Variants in COL5A2 observed in about 807,000 individuals in gnomAD.
The protein encoded by COL5A2 is collagen type V alpha 2 chain, also known as collagen alpha-2(V) chain.
A neutral mutation model predicts 208.2 loss-of-function variants in COL5A2; 23 were observed. That is an observed-to-expected ratio of 0.11 (90% confidence interval 0.08 to 0.16). The LOEUF (loss-of-function observed/expected upper bound fraction) is 0.16. Among genes scored for constraint, COL5A2 ranks in the 10% least tolerant of loss-of-function variants. The pLI is 1.00. For missense variants in COL5A2, 1,590 were observed against 1,956.4 expected (o/e 0.81, Z 3.53); for synonymous variants, 625 against 628.5 (o/e 0.99, Z 0.08).
the COL5A2 span, among the ~76,000 whole-genome samples, chr2:189,246,796 G>A: frequency 6.6e-6 from 1 of 152,178 alleles, no homozygotes; most frequent in African/African-American, 2.4e-5. Flanking sequence ...GCCAGATACA[G>A]CAAAACATCT....
At chr2:189,080,089 A>G in intron 13 of COL5A2, 58 bp from the exon 14 acceptor site, 1 of 1,331,038 alleles carries the variant, frequency 7.5e-7, no homozygotes, top group Non-Finnish European at 1.1e-6. Flanking sequence ...CCTCAAAGGC[A>G]TAAGAACCAA....
chr2:189,126,122 A>T (rs1017783704), intron 1 of COL5A2, among the ~76,000 whole-genome samples: 8 of 152,236 alleles, frequency 5.3e-5, no homozygotes, highest in African/African-American at 1.9e-4. Context: ...CACAGGAACT[A>T]TGTTATACTT....
intron 1 of COL5A2, among the ~76,000 whole-genome samples, chr2:189,115,699 G>A (rs1687375639): frequency 6.6e-6 from 1 of 152,152 alleles, no homozygotes; most frequent in Non-Finnish European, 1.5e-5. Context: ...CTCCTCGACA[G>A]CCAGAACTGT....
chr2:189,264,423 C>T, the COL5A2 span, among the ~76,000 whole-genome samples: 1 of 151,844 alleles, frequency 6.6e-6, no homozygotes, highest in African/African-American at 2.4e-5. Context: ...ATCTTAAAAA[C>T]GTGTTTATAG....
chr2:189,068,682 G>T, intron 19 of COL5A2, 104 bp downstream of exon 19: 1 of 813,360 alleles, frequency 1.2e-6, no homozygotes, highest in Non-Finnish European at 2.1e-6. Flanking sequence ...CCCTAAATAT[G>T]TACAAATATT....
chr2:189,301,523 C>T, the COL5A2 span, among the ~76,000 whole-genome samples: 5 of 152,232 alleles, frequency 3.3e-5, no homozygotes, highest in East Asian at 1.9e-4. Context: ...CAGTGAATTA[C>T]ACCAAATTTA....
chr2:189,104,196 A>C (rs1466124318), intron 3 of COL5A2, 68 bp downstream of exon 3: 8 of 1,122,332 alleles, frequency 7.1e-6, no homozygotes, highest in Middle Eastern at 2.0e-4. Context: ...TTCAGAGCAC[A>C]GTTCTGTGTG....
At position 189,053,914 on chromosome 2, in the gene COL5A2, G is replaced by C; in HGVS notation, c.2480C>G (p.Pro827Arg). The C allele has an allele frequency of 6.2e-7, 1 of 1,614,014 alleles. No individual in the cohort carries two copies. The highest frequency in any genetic ancestry group is 8.5e-7 in the Non-Finnish European group (1 of 1,179,954). The change falls in exon 37 of 54, where the codon CCT (proline) becomes CGT (arginine). Residue 827 changes from proline to arginine, a missense_variant. By Grantham distance (103) the Pro-to-Arg change is moderately radical. Transcript: ENST00000374866. ...ACTTACAGGATTGCCCCGGGAGCCA[G>C]GAGGGCCAACTAAACCTCGAGGACC... Reference protein sequence around the residue: ...EPGPRGLVGPPGSRGNPGSRG... With the variant: ...EPGPRGLVGPRGSRGNPGSRG...
chr2:189,223,650 C>T (rs1011322698), intron 1 of COL5A2, among the ~76,000 whole-genome samples: 2 of 152,130 alleles, frequency 1.3e-5, no homozygotes, highest in South Asian at 2.1e-4. Context: ...TCTATAATTA[C>T]ACACAATTAT....
At chr2:189,380,356 A>G in the COL5A2 span, among the ~76,000 whole-genome samples, 1 of 151,968 alleles carries the variant, frequency 6.6e-6, no homozygotes, top group Non-Finnish European at 1.5e-5. Context: ...GTTTTAAGCT[A>G]AAATATTTTA....
chr2:189,269,170 T>C, the COL5A2 span, among the ~76,000 whole-genome samples: 1 of 152,148 alleles, frequency 6.6e-6, no homozygotes. Context: ...TTCCCTTGTA[T>C]GGAAAAAAAT....
intron 1 of COL5A2, among the ~76,000 whole-genome samples, chr2:189,189,696 A>ATT (rs1688899862): frequency 6.6e-6 from 1 of 151,814 alleles, no homozygotes; most frequent in Non-Finnish European, 1.5e-5. Context: ...ATATATATAT[A>ATT]TTTCATTTGA....
At chr2:189,361,353 T>C in the COL5A2 span, among the ~76,000 whole-genome samples, 1 of 152,180 alleles carries the variant, frequency 6.6e-6, no homozygotes, top group East Asian at 1.9e-4. Flanking sequence ...CCTTCATTAT[T>C]ATATAATGGC....
At chr2:189,401,115 C>T in the COL5A2 span, among the ~76,000 whole-genome samples, 1 of 152,028 alleles carries the variant, frequency 6.6e-6, no homozygotes, top group African/African-American at 2.4e-5. Flanking sequence ...CATAGATAAA[C>T]GTGTGCCATG....
chr2:189,326,680 G>C, the COL5A2 span, among the ~76,000 whole-genome samples: 3 of 152,014 alleles, frequency 2.0e-5, no homozygotes, highest in East Asian at 5.8e-4. Context: ...GACAGAGGAA[G>C]CTCCTGTCTC....
chr2:189,231,752 A>C, the COL5A2 span, among the ~76,000 whole-genome samples: 1 of 151,490 alleles, frequency 6.6e-6, no homozygotes, highest in African/African-American at 2.4e-5. Flanking sequence ...CTTATAACTA[A>C]AGAAGAATAA....
the COL5A2 span, among the ~76,000 whole-genome samples, chr2:189,333,247 A>T: frequency 2.0e-5 from 3 of 152,310 alleles, no homozygotes; most frequent in South Asian, 6.2e-4. Context: ...CACTAACAAT[A>T]GATAAATCAA....
At chr2:189,048,125 G>T (rs1181151171) in intron 45 of COL5A2, 84 bp downstream of exon 45, 1 of 1,287,296 alleles carries the variant, frequency 7.8e-7, no homozygotes, top group African/African-American at 1.5e-5. Context: ...GAACTATCAG[G>T]AAAAATGACA....
the COL5A2 span, among the ~76,000 whole-genome samples, chr2:189,323,295 A>G: frequency 6.6e-6 from 1 of 152,154 alleles, no homozygotes; most frequent in African/African-American, 2.4e-5. Context: ...ACTCCTATTC[A>G]ACATAGTGTT....
Sources: gnomAD v4.1 joint callset for allele counts (sites outside exome capture counted in the v4.1 genomes callset) on GRCh38, gnomAD v4.1.1 for gene constraint, MANE v1.5 for transcripts, NCBI Gene and HGNC (gene_info 2026-07-23, HGNC 2026-07-21) for gene names.